ERC1: variants seen among roughly 807,000 people sequenced by gnomAD.
The protein encoded by ERC1 is RAB6 interacting protein 2.
ERC1 carries 56 observed loss-of-function variants against 132.0 expected under a neutral mutation model. That is an observed-to-expected ratio of 0.42 (90% confidence interval 0.34 to 0.53). The LOEUF (loss-of-function observed/expected upper bound fraction) is 0.53. ERC1 is among the 20% of genes least tolerant of loss of function. The pLI, the probability that ERC1 is intolerant of heterozygous loss-of-function variation, is 0.03. For missense variants in ERC1, 1,202 were observed against 1,349.9 expected (o/e 0.89, Z 1.72); for synonymous variants, 478 against 476.1 (o/e 1.00, Z -0.05).
intron 12 of ERC1, among the ~76,000 whole-genome samples, chr12:1,196,880 G>A (rs1437208535): frequency 1.8e-5 from 1 of 56,914 alleles, no homozygotes; most frequent in Non-Finnish European, 4.0e-5. Context: ...CTCTCTCTCT[G>A]TCTGTCTGTC....
intron 13 of ERC1, among the ~76,000 whole-genome samples, chr12:1,257,670 A>C (rs1341664582): frequency 6.6e-6 from 1 of 152,190 alleles, no homozygotes; most frequent in East Asian, 1.9e-4. Context: ...AAAGAGTTAC[A>C]AATGTATGTA....
chr12:1,189,615 A>C (rs1316994022), intron 11 of ERC1, among the ~76,000 whole-genome samples: 1 of 152,218 alleles, frequency 6.6e-6, no homozygotes, highest in Non-Finnish European at 1.5e-5. Context: ...TGTTTGATTT[A>C]ATAATATTCA....
At chr12:1,131,540 C>T (rs1432919291) in intron 7 of ERC1, among the ~76,000 whole-genome samples, 2 of 152,266 alleles carry the variant, frequency 1.3e-5, no homozygotes, top group East Asian at 1.9e-4. Flanking sequence ...TGGCACACTG[C>T]AAGCTCCACC....
chr12:1,159,409 G>A (rs1420995813), intron 8 of ERC1, among the ~76,000 whole-genome samples: 1 of 152,156 alleles, frequency 6.6e-6, no homozygotes, highest in Non-Finnish European at 1.5e-5. Context: ...GACAGGAGGT[G>A]GAGCTCAGGT....
intron 15 of ERC1, among the ~76,000 whole-genome samples, chr12:1,359,601 T>TA (rs1024007679): frequency 1.1e-4 from 16 of 152,150 alleles, no homozygotes; most frequent in Non-Finnish European, 8.8e-5. Flanking sequence ...GACCTACCCT[T>TA]ACAATAATGG....
At chr12:1,256,093 G>C (rs1341182398) in intron 13 of ERC1, among the ~76,000 whole-genome samples, 1 of 151,952 alleles carries the variant, frequency 6.6e-6, no homozygotes. Context: ...GATGGGGTTT[G>C]CTTTTTTCTT....
chr12:1,179,569 G>A (rs917337142), intron 8 of ERC1, among the ~76,000 whole-genome samples: 5 of 143,974 alleles, frequency 3.5e-5, no homozygotes, highest in South Asian at 2.2e-4. Flanking sequence ...GTGCAGTGGC[G>A]GGATCTCGGC....
At chr12:1,025,976 T>C (rs1480141539) in intron 1 of ERC1, among the ~76,000 whole-genome samples, 2 of 151,986 alleles carry the variant, frequency 1.3e-5, no homozygotes, top group African/African-American at 4.8e-5. Flanking sequence ...TTTGTACTTT[T>C]AGTGAGATTG....
At chr12:1,484,116 T>C (rs112732605) in intron 18 of ERC1, among the ~76,000 whole-genome samples, 13,098 of 151,064 alleles carry the variant, frequency 0.087, 814 homozygotes, top group African/African-American at 0.16. Flanking sequence ...CCTTCCTGGC[T>C]AACATGGTGA....
rs74057021 is a variant in ERC1 at position 1,111,315 on chromosome 12, T to G, written c.1318-900T>G. ...AATTATCAATTTACCAGTTTTGTTGTGGTTTCATTAAACATTATGATTGTA... is the reference window on the plus strand; with the variant it reads ...AATTATCAATTTACCAGTTTTGTTGGGGTTTCATTAAACATTATGATTGTA... On this transcript the variant is annotated intron_variant, in intron 5 of 18. Transcript: ENST00000360905. Among the ~76,000 whole-genome samples the G allele has an allele frequency of 9.3e-3, 1,415 of 152,354 alleles. 20 individuals carry two copies. Among genetic ancestry groups the G allele is most frequent in the African/African-American group, 0.031 (1,286 of 41,584 alleles).
intron 7 of ERC1, among the ~76,000 whole-genome samples, chr12:1,118,151 A>G (rs1391153315): frequency 4.6e-5 from 7 of 152,212 alleles, no homozygotes; most frequent in Admixed American, 1.3e-4. Context: ...AGTGCATGCA[A>G]TACAGCAAAA....
At chr12:1,311,819 A>G (rs1326185623) in intron 15 of ERC1, among the ~76,000 whole-genome samples, 3 of 152,042 alleles carry the variant, frequency 2.0e-5, no homozygotes, top group Non-Finnish European at 4.4e-5. Context: ...CTTTTTTTCT[A>G]TGGAGATACG....
intron 7 of ERC1, among the ~76,000 whole-genome samples, chr12:1,127,671 A>T (rs1948348091): frequency 1.3e-5 from 2 of 152,202 alleles, no homozygotes; most frequent in Non-Finnish European, 2.9e-5. Flanking sequence ...ATGTAACATT[A>T]ATATAAATTG....
intron 8 of ERC1, among the ~76,000 whole-genome samples, chr12:1,179,627 C>T (rs1395240834): frequency 6.6e-6 from 1 of 150,730 alleles, no homozygotes; most frequent in African/African-American, 2.4e-5. Context: ...CCTGCCTCAG[C>T]CTCCCAAGTA....
chr12:1,290,516 A>C (rs1246562482), intron 15 of ERC1, among the ~76,000 whole-genome samples: 2 of 152,196 alleles, frequency 1.3e-5, no homozygotes, highest in Admixed American at 1.3e-4. Flanking sequence ...GCTTTGCTAT[A>C]CACATTTTCC....
At chr12:1,094,019 GA>G (rs1164032807) in intron 3 of ERC1, among the ~76,000 whole-genome samples, 3 of 90,344 alleles carry the variant, frequency 3.3e-5, no homozygotes, top group African/African-American at 1.1e-4. Context: ...AATTTAAAAA[GA>G]AATTTTTTTT....
In ERC1 at chr12:1,061,079, A is replaced by G. The variant is rs188891104; in HGVS notation, c.670-22085A>G. ...TCATGTTGAGATTTGGGTATAGTAC[A>G]CTATATCACTGCTTCTTCCTGGTCC... On this transcript the variant is annotated intron_variant, in intron 2 of 18. Transcript: ENST00000360905. Among the ~76,000 whole-genome samples the G allele has an allele frequency of 8.1e-3, 1,240 of 152,164 alleles. 23 individuals are homozygous for G. Among genetic ancestry groups the G allele is most frequent in the African/African-American group, 0.029 (1,188 of 41,508 alleles).
intron 1 of ERC1, among the ~76,000 whole-genome samples, chr12:1,021,698 CA>C (rs1162694084): frequency 0.086 from 7,916 of 92,160 alleles, 318 homozygotes; most frequent in Admixed American, 0.22. Flanking sequence ...GACTCCGTCT[CA>C]AAAAAAAAAA....
intron 18 of ERC1, among the ~76,000 whole-genome samples, chr12:1,463,584 T>G (rs538229845): frequency 4.6e-5 from 7 of 152,174 alleles, no homozygotes; most frequent in Admixed American, 1.3e-4. Context: ...TGAGAGACTG[T>G]GGGAGGCAAG....
Sources: allele counts gnomAD v4.1 joint callset (sites outside exome capture counted in the v4.1 genomes callset), GRCh38; gene constraint gnomAD v4.1.1; transcripts MANE v1.5; gene names NCBI Gene and HGNC (gene_info 2026-07-23, HGNC 2026-07-21).